ATG5: variants seen among roughly 807,000 people sequenced by gnomAD.
ATG5 encodes autophagy protein 5.
Under a neutral mutation model 36.5 loss-of-function variants are expected in ATG5, and 14 were observed. That is an observed-to-expected ratio of 0.38 (90% CI 0.25 to 0.60). The LOEUF (loss-of-function observed/expected upper bound fraction) is 0.60, where lower values mean the gene tolerates loss of function less well. Among genes scored for constraint, ATG5 ranks in the 20% least tolerant of loss-of-function variants. ATG5 has a pLI of 0.60. For missense variants in ATG5, 195 were observed against 326.7 expected (o/e 0.60, Z 3.11); for synonymous variants, 95 against 101.5 (o/e 0.94, Z 0.38).
At chr6:106,206,414 T>G (rs1776636667) in intron 6 of ATG5, among the ~76,000 whole-genome samples, 1 of 152,128 alleles carries the variant, frequency 6.6e-6, no homozygotes, top group South Asian at 2.1e-4. Context: ...CAGTCTAGGC[T>G]GGGCGTGGTG....
chr6:106,208,936 C>T (rs1272810598), intron 6 of ATG5, among the ~76,000 whole-genome samples: 2 of 152,172 alleles, frequency 1.3e-5, no homozygotes, highest in African/African-American at 4.8e-5. Flanking sequence ...ATATCTCACA[C>T]ATCATTAGCC....
chr6:106,311,270 A>C (rs993561382), intron 2 of ATG5, among the ~76,000 whole-genome samples: 2 of 152,244 alleles, frequency 1.3e-5, no homozygotes, highest in African/African-American at 4.8e-5. Context: ...TAGACAGCAA[A>C]AAAGATACAA....
In ATG5 at chr6:106,208,959, C is replaced by A. The variant is rs899860794; in HGVS notation, c.574-6870G>T. ...CACATCATTAGCCATTAAAGAAATGCAAATTAAAACCACAATGTGATATCA... is the reference window on the plus strand; with the variant it reads ...CACATCATTAGCCATTAAAGAAATGAAAATTAAAACCACAATGTGATATCA... On this transcript the variant is annotated intron_variant, in intron 6 of 7. Coordinates refer to ENST00000369076, the MANE Select transcript of ATG5 (RefSeq NM_004849.4). Among the ~76,000 whole-genome samples, 5 of 152,192 alleles carry A rather than the reference C, an allele frequency of 3.3e-5. No individual in the cohort carries two copies. In the East Asian group the frequency reaches 9.6e-4, roughly 29 times the overall value.
intron 6 of ATG5, among the ~76,000 whole-genome samples, chr6:106,204,866 A>G (rs1776574206): frequency 6.6e-6 from 1 of 152,212 alleles, no homozygotes; most frequent in Non-Finnish European, 1.5e-5. Flanking sequence ...AGACTAATAC[A>G]TTCTTCAATT....
At chr6:106,262,138 T>C (rs780763228) in intron 5 of ATG5, among the ~76,000 whole-genome samples, 4 of 152,222 alleles carry the variant, frequency 2.6e-5, no homozygotes, top group East Asian at 1.9e-4. Context: ...AGTGGCACCA[T>C]CTCGACTCAC....
At chr6:106,204,216 T>TA (rs780724837) in intron 6 of ATG5, among the ~76,000 whole-genome samples, 1 of 151,980 alleles carries the variant, frequency 6.6e-6, no homozygotes, top group Non-Finnish European at 1.5e-5. Context: ...TTCCAGAACT[T>TA]AAAGTATAAT....
chr6:106,273,055 G>C (rs1035471027), intron 5 of ATG5, among the ~76,000 whole-genome samples: 1 of 152,118 alleles, frequency 6.6e-6, no homozygotes, highest in Non-Finnish European at 1.5e-5. Flanking sequence ...GTGTTCCAAA[G>C]ACTGATAAAA....
chr6:106,286,011 T>C (rs1311797927), intron 4 of ATG5, among the ~76,000 whole-genome samples: 1 of 152,134 alleles, frequency 6.6e-6, no homozygotes, highest in Non-Finnish European at 1.5e-5. Flanking sequence ...GAATCCAACA[T>C]TTCCCAGCAT....
chr6:106,209,410 T>C (rs1420548696), intron 6 of ATG5, among the ~76,000 whole-genome samples: 1 of 152,178 alleles, frequency 6.6e-6, no homozygotes, highest in Non-Finnish European at 1.5e-5. Flanking sequence ...AGTTATGTTA[T>C]GTGAAAAAAG....
At chr6:106,316,866 C>T (rs1770872060) in intron 1 of ATG5, among the ~76,000 whole-genome samples, 1 of 152,124 alleles carries the variant, frequency 6.6e-6, no homozygotes, top group Non-Finnish European at 1.5e-5. Context: ...TTTTGTAAAC[C>T]CTCTACCAAA....
At chr6:106,316,544 A>G (rs1770857544) in intron 1 of ATG5, among the ~76,000 whole-genome samples, 1 of 152,226 alleles carries the variant, frequency 6.6e-6, no homozygotes, top group African/African-American at 2.4e-5. Context: ...ATGAAACTGT[A>G]TCTGCATCAG....
intron 3 of ATG5, among the ~76,000 whole-genome samples, chr6:106,299,236 C>T (rs905029394): frequency 2.0e-5 from 3 of 152,200 alleles, no homozygotes; most frequent in Non-Finnish European, 2.9e-5. Flanking sequence ...TACACACATT[C>T]TCCCGTATAC....
intron 7 of ATG5, among the ~76,000 whole-genome samples, chr6:106,194,379 T>TG (rs1776091018): frequency 1.3e-5 from 2 of 152,188 alleles, no homozygotes. Flanking sequence ...TAAAAGTATC[T>TG]GCTTTATACG....
chr6:106,318,049 T>A (rs1379190328), intron 1 of ATG5, among the ~76,000 whole-genome samples: 1 of 152,214 alleles, frequency 6.6e-6, no homozygotes, highest in Non-Finnish European at 1.5e-5. Context: ...AAATATTTAA[T>A]AAAAGTTAAT....
At chr6:106,221,327 C>T (rs1385125029) in intron 6 of ATG5, among the ~76,000 whole-genome samples, 1 of 152,120 alleles carries the variant, frequency 6.6e-6, no homozygotes, top group Non-Finnish European at 1.5e-5. Context: ...AGCTATAGAA[C>T]AGCTCTATTT....
At chr6:106,312,623 TACACACACACACACACAC>T (rs144983689) in intron 2 of ATG5, among the ~76,000 whole-genome samples, 2 of 144,400 alleles carry the variant, frequency 1.4e-5, no homozygotes, top group African/African-American at 5.0e-5. Context: ...CAAAAAAGAC[TACACACACACACACACAC>T]ACACACACAC....
chr6:106,262,748 G>A (rs977951982), intron 5 of ATG5, among the ~76,000 whole-genome samples: 3 of 152,196 alleles, frequency 2.0e-5, no homozygotes, highest in African/African-American at 4.8e-5. Context: ...CCCAGGATGT[G>A]CAAGAAGCCA....
Position 106,184,484 on chromosome 6 carries a change from A to G in ATG5, c.*2056T>C, listed in dbSNP as rs1775694128. On this transcript the variant is annotated 3_prime_UTR_variant, in exon 8 of 8. Coordinates refer to ENST00000369076, the MANE Select transcript of ATG5 (RefSeq NM_004849.4). ...TAAAGACGGACACAACATTTATTTAATTTTTTAATAAACCATAAAATTTAA... is the reference window on the plus strand; with the variant it reads ...TAAAGACGGACACAACATTTATTTAGTTTTTTAATAAACCATAAAATTTAA... 1 of 152,202 alleles carries G rather than the reference A, an allele frequency of 6.6e-6. No individual in the cohort carries two copies. The highest frequency in any genetic ancestry group is 2.4e-5 in the African/African-American group (1 of 41,450). 9.4% of individuals were successfully genotyped at this position (152,202 alleles called of 1,614,324 possible).
intron 6 of ATG5, among the ~76,000 whole-genome samples, chr6:106,206,139 G>A (rs961379166): frequency 2.6e-5 from 4 of 151,864 alleles, no homozygotes; most frequent in African/African-American, 9.7e-5. Flanking sequence ...GTATTAAGAG[G>A]TGAAGCCTTT....
Sources: allele counts gnomAD v4.1 joint callset (sites outside exome capture counted in the v4.1 genomes callset), GRCh38; gene constraint gnomAD v4.1.1; transcripts MANE v1.5; gene names NCBI Gene and HGNC (gene_info 2026-07-23, HGNC 2026-07-21).